PBX4: variants seen among roughly 807,000 people sequenced by gnomAD.
PBX4 encodes the protein PBX homeobox 4.
PBX4 carries 26 observed loss-of-function variants against 35.1 expected under a neutral mutation model. The ratio of observed to expected loss-of-function variants is 0.74; its 90% confidence interval spans 0.54 to 1.03. PBX4 has a LOEUF of 1.03. Among genes scored for constraint, PBX4 ranks in the 50% least tolerant of loss-of-function variants. The pLI is 0.00. For missense variants in PBX4, 448 were observed against 504.3 expected (o/e 0.89, Z 1.07); for synonymous variants, 199 against 204.2 (o/e 0.97, Z 0.22).
At chr19:19,583,244 A>G (rs2061466807) in intron 2 of PBX4, among the ~76,000 whole-genome samples, 1 of 152,098 alleles carries the variant, frequency 6.6e-6, no homozygotes, top group Non-Finnish European at 1.5e-5. Context: ...GTGCCATTGC[A>G]CTCCAGCCTG....
intron 2 of PBX4, among the ~76,000 whole-genome samples, chr19:19,596,789 C>T (rs1233120188): frequency 6.6e-6 from 1 of 151,610 alleles, no homozygotes; most frequent in African/African-American, 2.4e-5. Flanking sequence ...CAACGTGGCT[C>T]GTGCCTGTAG....
At chr19:19,594,031 G>A (rs965549544) in intron 2 of PBX4, among the ~76,000 whole-genome samples, 2 of 149,322 alleles carry the variant, frequency 1.3e-5, no homozygotes, top group African/African-American at 2.5e-5. Context: ...GATCACTTGA[G>A]CCCAGGAGTT....
At chr19:19,588,040 C>T in intron 2 of PBX4, 1 of 629,576 alleles carries the variant, frequency 1.6e-6, no homozygotes, top group Non-Finnish European at 2.9e-6. Flanking sequence ...TTTCTGAAAG[C>T]TGCAGCAGCT....
chr19:19,564,737 C>A lies in PBX4; in HGVS notation c.925+196G>T, dbSNP rs539203219. The A allele has an allele frequency of 1.0e-5, 7 of 669,194 alleles. No homozygotes were observed. In the East Asian group the frequency reaches 1.9e-4, roughly 18 times the overall value. The allele number at this position is 669,194 out of a possible 1,614,324, so 41.5% of individuals were successfully genotyped here. A position where few individuals can be genotyped will look rare whatever the true frequency, so the allele number is the denominator to read the frequency against. Reference sequence around the variant, plus strand: ...TTTCTTATTAGTATCGCCATTCTGTCCCCAAAGCACAGGTATCTGTTGGTT... The same window carrying A: ...TTTCTTATTAGTATCGCCATTCTGTACCCAAAGCACAGGTATCTGTTGGTT... On this transcript the variant is annotated intron_variant, in intron 6 of 7. Coordinates refer to ENST00000251203, the MANE Select transcript of PBX4 (RefSeq NM_025245.3).
At chr19:19,574,041 T>A (rs1240512274) in intron 2 of PBX4, among the ~76,000 whole-genome samples, 1 of 152,118 alleles carries the variant, frequency 6.6e-6, no homozygotes, top group African/African-American at 2.4e-5. Flanking sequence ...CACACCCAGA[T>A]AATTTTTGTA....
At chr19:19,581,279 T>C (rs2061452496) in intron 2 of PBX4, among the ~76,000 whole-genome samples, 1 of 152,222 alleles carries the variant, frequency 6.6e-6, no homozygotes, top group South Asian at 2.1e-4. Context: ...CTGTTTTACA[T>C]GGCCACCATG....
Position 19,561,854 on chromosome 19 carries a change from T to A in PBX4, c.*171A>T. 2.0e-6 allele frequency: 1 copy of A among 503,594 alleles called. No individual in the cohort carries two copies. Among genetic ancestry groups the A allele is most frequent in the Non-Finnish European group, 3.5e-6 (1 of 285,882 alleles). 31.2% of individuals were successfully genotyped at this position (503,594 alleles called of 1,614,324 possible). ...GAGTGGCGTTTCAGGCCATCTCGAG[T>A]CGCAGCAGACACATGAGCCGGCGCC... On this transcript the variant is annotated 3_prime_UTR_variant, in exon 8 of 8. Coordinates refer to ENST00000251203, the MANE Select transcript of PBX4 (RefSeq NM_025245.3).
chr19:19,570,591 C>A lies in PBX4; in HGVS notation c.436G>T (p.Glu146Ter). The part of the protein sequence containing the change: ...QIYHSELEKY[E>*]QACREFTTHV... ...CTTCCATGCAGAAAGATCACCTGTT[C>A]ATATTTCTCTAGCTCAGAGTGGTAA... Residue 146 changes from glutamate (E) to a stop codon, truncating the protein, a stop_gained, in exon 3 of 8, where the codon GAA (glutamate) becomes TAA (stop). Coordinates refer to ENST00000251203, the MANE Select transcript of PBX4 (RefSeq NM_025245.3). LOFTEE classifies it high-confidence loss of function. The A allele has an allele frequency of 1.2e-6, 2 of 1,613,488 alleles. No homozygotes were observed. Among genetic ancestry groups the A allele is most frequent in the South Asian group, 2.2e-5 (2 of 90,986 alleles).
chr19:19,613,673 C>A (rs558175315), intron 1 of PBX4, among the ~76,000 whole-genome samples: 1 of 152,230 alleles, frequency 6.6e-6, no homozygotes, highest in East Asian at 1.9e-4. Flanking sequence ...ACCCAAAGCT[C>A]TGCCTCTGCG....
At chr19:19,569,314 C>T in intron 5 of PBX4, 135 bp downstream of exon 5, 1 of 1,203,408 alleles carries the variant, frequency 8.3e-7, no homozygotes, top group Non-Finnish European at 1.1e-6. Flanking sequence ...CCTACCTCAT[C>T]CTCCCAAAGT....
At chr19:19,608,354 A>C (rs2144786973) in intron 1 of PBX4, 1 of 152,424 alleles carries the variant, frequency 6.6e-6, no homozygotes, top group East Asian at 1.9e-4. Flanking sequence ...TGTCTCAAAA[A>C]AAAAAAAAAG....
intron 1 of PBX4, among the ~76,000 whole-genome samples, chr19:19,610,418 A>T (rs1209227638): frequency 1.3e-5 from 2 of 151,776 alleles, no homozygotes; most frequent in Non-Finnish European, 2.9e-5. Flanking sequence ...CATCTCGAAA[A>T]CAATAAAAAA....
Position 19,570,726 on chromosome 19 carries a change from T to C in PBX4, c.301A>G (p.Arg101Gly). The C allele has an allele frequency of 6.2e-7, 1 of 1,614,116 alleles. No homozygotes were observed. Among genetic ancestry groups the C allele is most frequent in the Non-Finnish European group, 8.5e-7 (1 of 1,180,024 alleles). The part of the protein sequence containing the change: ...EGVCRPEKRG[R>G]GGAVARAGTA... ...CCGGCCCTGGCCACCGCTCCTCCTCTTCCTCTCTTCTCGGGCCTGCACACG... is the reference window on the plus strand; with the variant it reads ...CCGGCCCTGGCCACCGCTCCTCCTCCTCCTCTCTTCTCGGGCCTGCACACG... The change falls in exon 3 of 8, where the codon AGA (arginine) becomes GGA (glycine). Residue 101 changes from arginine to glycine, a missense_variant. Coordinates refer to ENST00000251203, the MANE Select transcript of PBX4 (RefSeq NM_025245.3).
At chr19:19,573,351 A>ACACC in intron 2 of PBX4, among the ~76,000 whole-genome samples, 1 of 151,474 alleles carries the variant, frequency 6.6e-6, no homozygotes, top group African/African-American at 2.4e-5. Context: ...ACACACACAC[A>ACACC]CACACACACA....
chr19:19,595,038 T>A (rs943009052), intron 2 of PBX4, among the ~76,000 whole-genome samples: 4 of 152,194 alleles, frequency 2.6e-5, no homozygotes, highest in Non-Finnish European at 4.4e-5. Flanking sequence ...AAGTACTTTT[T>A]AAAATAGTTT....
At chr19:19,570,444 A>G in intron 3 of PBX4, 142 bp downstream of exon 3, 2 of 1,437,958 alleles carry the variant, frequency 1.4e-6, no homozygotes, top group African/African-American at 1.4e-5. Context: ...AAGGGCTTTC[A>G]GTAACAATGG....
intron 2 of PBX4, chr19:19,588,166 G>T: frequency 8.3e-7 from 1 of 1,204,696 alleles, no homozygotes; most frequent in Non-Finnish European, 1.2e-6. Context: ...TCTTCAGGCA[G>T]CCATCCCTAT....
intron 1 of PBX4, among the ~76,000 whole-genome samples, chr19:19,600,578 G>T (rs1245731150): frequency 6.6e-6 from 1 of 151,906 alleles, no homozygotes; most frequent in Non-Finnish European, 1.5e-5. Flanking sequence ...CAGCACTTTG[G>T]GCGGCCGAGG....
In PBX4 at chr19:19,563,767, G is replaced by A. The variant is rs1227102455; in HGVS notation, c.926-152C>T. 1.3e-5 allele frequency: 9 copies of A among 683,232 alleles called. No homozygotes were observed. Among genetic ancestry groups the A allele is most frequent in the African/African-American group, 1.8e-5 (1 of 56,078 alleles). The allele number at this position is 683,232 out of a possible 1,614,324, so 42.3% of individuals were successfully genotyped here. ...CCTCAGCCCCCACCCAGGCAGGCCA[G>A]CGGGCCCTCCCCACCACACTACTCA... On this transcript the variant is annotated intron_variant, in intron 6 of 7. Transcript: ENST00000251203. This position sits in a 1 kb window ranked among gnomAD's most constrained non-coding sequence, Gnocchi z 5.1.
Sources: allele counts gnomAD v4.1 joint callset (sites outside exome capture counted in the v4.1 genomes callset), GRCh38; gene constraint gnomAD v4.1.1; non-coding constraint Gnocchi (gnomAD v3.1); transcripts MANE v1.5; gene names NCBI Gene and HGNC (gene_info 2026-07-23, HGNC 2026-07-21).